The following PI4KA variants were observed in gnomAD, a reference collection of about 807,000 sequenced individuals.
The protein encoded by PI4KA is phosphatidylinositol 4-kinase alpha, also known as PI4-kinase alpha.
Under a neutral mutation model 271.4 loss-of-function variants are expected in PI4KA, and 122 were observed. That is an observed-to-expected ratio of 0.45 (90% CI 0.39 to 0.52). PI4KA has a LOEUF of 0.52. Ranked by LOEUF, PI4KA falls within the 20% of genes least tolerant of loss-of-function variation. The probability of loss-of-function intolerance (pLI) is 0.00; values close to 1 mark genes in which losing one functional copy is unlikely to be tolerated. For synonymous variants in PI4KA, 1,041 were observed against 1,078.8 expected, an observed-to-expected ratio of 0.96 and a Z score of 0.69; for missense variants, 1,969 against 2,769.1, an observed-to-expected ratio of 0.71 and a Z score of 6.48.
chr22:20,802,041 C>T lies in PI4KA; in HGVS notation c.1656G>A (p.Met552Ile), dbSNP rs755096641. The change falls in exon 14 of 55, where the codon ATG (methionine) becomes ATA (isoleucine). Residue 552 changes from methionine (M) to isoleucine (I), a missense_variant. Met to Ile is a conservative substitution (Grantham distance 10). Around this residue, in one of 13 missense-constraint regions of PI4KA, gnomAD observed 228 missense variants for 261.6 expected, o/e 0.87. Coordinates refer to ENST00000255882, the MANE Select transcript of PI4KA (RefSeq NM_058004.4). The part of the protein sequence containing the change: ...NEHSESTLNV[M>I]SGKKSQPSMY... Reference sequence around the variant, plus strand: ...TGGAGGGCTGGCTCTTCTTACCCGACATGACGTTCAGGGTTGACTCGGAAT... The same window carrying T: ...TGGAGGGCTGGCTCTTCTTACCCGATATGACGTTCAGGGTTGACTCGGAAT... The T allele has an allele frequency of 2.5e-6, 4 of 1,613,930 alleles. No homozygotes were observed. Among genetic ancestry groups the T allele is most frequent in the Non-Finnish European group, 3.4e-6 (4 of 1,179,834 alleles).
At chr22:20,807,784 G>A (rs1935752304) in intron 9 of PI4KA, among the ~76,000 whole-genome samples, 1 of 152,182 alleles carries the variant, frequency 6.6e-6, no homozygotes, top group African/African-American at 2.4e-5. Flanking sequence ...AAGTGGTGAA[G>A]GAGGAAGACT....
chr22:20,735,723 C>T (rs1174897873), intron 32 of PI4KA, among the ~76,000 whole-genome samples: 12 of 152,186 alleles, frequency 7.9e-5, no homozygotes, highest in East Asian at 1.9e-4. Context: ...GGCCAGGAGC[C>T]GACGGGAGCC....
chr22:20,761,112 C>T (rs763518024), intron 23 of PI4KA, among the ~76,000 whole-genome samples, 192 bp downstream of exon 23: 3 of 152,214 alleles, frequency 2.0e-5, no homozygotes, highest in African/African-American at 7.2e-5. Context: ...TCCTTCTGTT[C>T]GGGGCCCTTG....
chr22:20,842,993 G>A (rs1363034830), intron 1 of PI4KA, among the ~76,000 whole-genome samples: 1 of 151,392 alleles, frequency 6.6e-6, no homozygotes, highest in Non-Finnish European at 1.5e-5. Context: ...AGCTACTTGG[G>A]AGGCTGAGGC....
chr22:20,742,744 G>T lies in PI4KA; in HGVS notation c.3477C>A (p.Phe1159Leu). The change falls in exon 31 of 55, where the codon TTC (phenylalanine) becomes TTA (leucine). Residue 1159 changes from phenylalanine to leucine, a missense_variant. Around this residue, in one of 13 missense-constraint regions of PI4KA, gnomAD observed 203 missense variants for 256.8 expected, o/e 0.79. Transcript: ENST00000255882. ...CAGACATCTGGCCTGTGGTGCCTGAGAACCGAATCATTCCATACACCTGCA... is the reference window on the plus strand; with the variant it reads ...CAGACATCTGGCCTGTGGTGCCTGATAACCGAATCATTCCATACACCTGCA... ...YAGEVYGMIR[F>L]SGTTGQMSDL... 1 of 1,614,062 alleles carries T rather than the reference G, an allele frequency of 6.2e-7. No homozygotes were observed. Among genetic ancestry groups the T allele is most frequent in the Non-Finnish European group, 8.5e-7 (1 of 1,179,966 alleles).
intron 16 of PI4KA, 59 bp downstream of exon 16, chr22:20,799,034 T>C (rs2147587608): frequency 7.2e-7 from 1 of 1,392,158 alleles, no homozygotes; most frequent in East Asian, 2.3e-5. Context: ...TCCCTTATAG[T>C]CAAGAGTTTA....
intron 19 of PI4KA, among the ~76,000 whole-genome samples, chr22:20,774,811 T>A (rs1481906894): frequency 6.7e-6 from 1 of 149,302 alleles, no homozygotes; most frequent in African/African-American, 2.5e-5. Flanking sequence ...GAACAAGATA[T>A]AGGAGACCTA....
chr22:20,824,682 C>G (rs1325937335), intron 3 of PI4KA, among the ~76,000 whole-genome samples: 3 of 151,574 alleles, frequency 2.0e-5, no homozygotes, highest in African/African-American at 4.9e-5. Context: ...ATAACAAAGC[C>G]TCTCAACATG....
In PI4KA at chr22:20,751,279, C is replaced by T. The variant is rs781658110; in HGVS notation, c.3153+14G>A. ...AAAGATGGCCCTTAGTGCAGGGGAT[C>T]GTGTCGGGCCTACCTCACGGGCTTC... is the stretch of plus-strand genomic sequence containing the variant. On this transcript the variant is annotated intron_variant, in intron 27 of 54. Coordinates refer to ENST00000255882, the MANE Select transcript of PI4KA (RefSeq NM_058004.4). The T allele has an allele frequency of 2.5e-6, 4 of 1,606,530 alleles. No homozygotes were observed. The highest frequency in any genetic ancestry group is 2.2e-5 in the South Asian group (2 of 90,796).
chr22:20,755,905 T>A (rs1931241274), intron 23 of PI4KA, among the ~76,000 whole-genome samples: 1 of 152,140 alleles, frequency 6.6e-6, no homozygotes, highest in Non-Finnish European at 1.5e-5. Flanking sequence ...TCACACTCCA[T>A]AATGCTGTTT....
At chr22:20,796,025 G>T in intron 18 of PI4KA, 121 bp downstream of exon 18, 1 of 898,502 alleles carries the variant, frequency 1.1e-6, no homozygotes, top group Non-Finnish European at 1.7e-6. Flanking sequence ...TGCATTCCAG[G>T]CACATTTAAA....
At chr22:20,740,992 G>C (rs184315253) in intron 32 of PI4KA, among the ~76,000 whole-genome samples, 2 of 152,348 alleles carry the variant, frequency 1.3e-5, no homozygotes, top group East Asian at 1.9e-4. Flanking sequence ...CTGTAAAAGT[G>C]TGAGTGATGA....
At chr22:20,727,686 T>G in intron 40 of PI4KA, 88 bp downstream of exon 40, 1 of 1,034,542 alleles carries the variant, frequency 9.7e-7, no homozygotes, top group Non-Finnish European at 1.5e-6. Context: ...CGGCTGTTTT[T>G]GTCTCATTTC....
intron 22 of PI4KA, among the ~76,000 whole-genome samples, chr22:20,761,841 C>T (rs1334433585): frequency 6.6e-6 from 1 of 152,166 alleles, no homozygotes; most frequent in East Asian, 1.9e-4. Flanking sequence ...CCAGCATGAC[C>T]CCACTTACAG....
chr22:20,832,485 ACT>A (rs1924313285), intron 3 of PI4KA, among the ~76,000 whole-genome samples: 1 of 131,434 alleles, frequency 7.6e-6, no homozygotes. Context: ...ACGGAGTCTC[ACT>A]CTGTTACCCA....
intron 19 of PI4KA, among the ~76,000 whole-genome samples, chr22:20,788,213 T>C (rs1934394828): frequency 6.6e-6 from 1 of 151,570 alleles, no homozygotes; most frequent in Admixed American, 6.6e-5. Flanking sequence ...AAGACAAGGG[T>C]TGGAAGAGTT....
intron 23 of PI4KA, among the ~76,000 whole-genome samples, chr22:20,758,459 C>CTTTTTTTTTTTTTT (rs35401829): frequency 3.4e-4 from 29 of 84,986 alleles, no homozygotes; most frequent in Non-Finnish European, 5.3e-4. Flanking sequence ...TCTTTCTTTT[C>CTTTTTTTTTTTTTT]TTTTTTTTTT....
chr22:20,828,034 T>C (rs1420511138), intron 3 of PI4KA, among the ~76,000 whole-genome samples: 1 of 152,160 alleles, frequency 6.6e-6, no homozygotes, highest in Admixed American at 6.5e-5. Flanking sequence ...CCTCAAGTGA[T>C]CCACCTGCCT....
chr22:20,716,973 C>T (rs1430730527), intron 45 of PI4KA, among the ~76,000 whole-genome samples: 2 of 152,166 alleles, frequency 1.3e-5, no homozygotes, highest in African/African-American at 4.8e-5. Context: ...AGGCCGGGCA[C>T]AGTGGCTCAT....
Sources: gnomAD v4.1 joint callset for allele counts (sites outside exome capture counted in the v4.1 genomes callset) on GRCh38, gnomAD v4.1.1 for gene constraint, gnomAD v4.1.1 regional missense constraint, MANE v1.5 for transcripts, NCBI Gene and HGNC (gene_info 2026-07-23, HGNC 2026-07-21) for gene names.